The following HMBOX1 variants were observed in gnomAD, a reference collection of about 807,000 sequenced individuals.
HMBOX1 encodes homeobox-containing protein 1.
HMBOX1 carries 14 observed loss-of-function variants against 54.5 expected under a neutral mutation model. That is an observed-to-expected ratio of 0.26 (90% CI 0.17 to 0.40). HMBOX1 has a LOEUF of 0.40. Ranked by LOEUF, HMBOX1 falls within the 10% of genes least tolerant of loss-of-function variation. The pLI is 1.00. For missense variants in HMBOX1, 332 were observed against 514.4 expected, an observed-to-expected ratio of 0.65 and a Z score of 3.43; for synonymous variants, 160 against 181.0, an observed-to-expected ratio of 0.88 and a Z score of 0.93.
intron 6 of HMBOX1, chr8:29,042,790 G>C (rs1563637792): frequency 2.3e-6 from 1 of 441,096 alleles, no homozygotes; most frequent in East Asian, 7.0e-5. Context: ...CGCATGCCAT[G>C]GAGTTCAGGC....
intron 4 of HMBOX1, among the ~76,000 whole-genome samples, chr8:28,994,579 C>A (rs1449379628): frequency 6.6e-6 from 1 of 152,006 alleles, no homozygotes; most frequent in Non-Finnish European, 1.5e-5. Context: ...AAAGGCTTTC[C>A]TAAGCAATAC....
chr8:28,998,732 T>A (rs991869119), intron 4 of HMBOX1, among the ~76,000 whole-genome samples: 1 of 152,086 alleles, frequency 6.6e-6, no homozygotes, highest in Non-Finnish European at 1.5e-5. Flanking sequence ...TTACTTTCTC[T>A]TTTGTGTTAA....
rs553369292 is a variant in HMBOX1 at position 29,033,990 on chromosome 8, C to T, written c.852-11371C>T. Among the ~76,000 whole-genome samples the T allele has an allele frequency of 6.1e-4, 93 of 152,282 alleles. 2 individuals are homozygous for T. Among genetic ancestry groups the T allele is most frequent in the African/African-American group, 2.2e-3 (90 of 41,552 alleles). On this transcript the variant is annotated intron_variant, in intron 6 of 9. Transcript: ENST00000287701. ...ATATTTATTGAGCTTCTACTTTGTACCAATCATTGTAATAGATAACTGAGC... is the reference window on the plus strand; with the variant it reads ...ATATTTATTGAGCTTCTACTTTGTATCAATCATTGTAATAGATAACTGAGC...
chr8:28,963,255 A>G (rs1445822971), intron 1 of HMBOX1, among the ~76,000 whole-genome samples: 2 of 152,212 alleles, frequency 1.3e-5, no homozygotes, highest in African/African-American at 4.8e-5. Context: ...AAGTGCTGGG[A>G]TTACAGGCAT....
chr8:28,979,951 C>G, intron 3 of HMBOX1, 120 bp from the exon 4 acceptor site: 1 of 735,710 alleles, frequency 1.4e-6, no homozygotes, highest in Non-Finnish European at 2.5e-6. Flanking sequence ...GGTCTGTTTA[C>G]CCTTTATTTT....
At chr8:28,946,033 A>G (rs1347864233) in intron 1 of HMBOX1, among the ~76,000 whole-genome samples, 1 of 150,140 alleles carries the variant, frequency 6.7e-6, no homozygotes, top group Admixed American at 6.6e-5. Context: ...GCTCACTGCA[A>G]CCTCCGCCTC....
chr8:29,002,367 G>A (rs1193616029), intron 4 of HMBOX1, among the ~76,000 whole-genome samples: 1 of 152,130 alleles, frequency 6.6e-6, no homozygotes, highest in East Asian at 1.9e-4. Context: ...TGTCTTTTAT[G>A]ACCTAGCTTC....
chr8:28,966,334 G>T (rs973474185), intron 2 of HMBOX1, among the ~76,000 whole-genome samples: 4 of 152,106 alleles, frequency 2.6e-5, no homozygotes, highest in Non-Finnish European at 5.9e-5. Context: ...GTTCTTTTAT[G>T]CCTTAAACAC....
intron 6 of HMBOX1, 64 bp from the exon 7 acceptor site, chr8:29,045,297 A>T: frequency 8.4e-7 from 1 of 1,195,736 alleles, no homozygotes; most frequent in Non-Finnish European, 1.2e-6. Context: ...TCAGTGAGTT[A>T]GTGTTTTAAT....
intron 1 of HMBOX1, among the ~76,000 whole-genome samples, chr8:28,899,820 G>C (rs1386818418): frequency 6.6e-6 from 1 of 152,212 alleles, no homozygotes; most frequent in African/African-American, 2.4e-5. Flanking sequence ...AAGGAACCTA[G>C]AAGATTGGAG....
chr8:28,976,776 G>A (rs972291793), intron 3 of HMBOX1, among the ~76,000 whole-genome samples: 3 of 145,642 alleles, frequency 2.1e-5, no homozygotes, highest in Admixed American at 7.0e-5. Context: ...GCACGTTTTC[G>A]GCTCACTGCA....
At chr8:28,983,020 C>T (rs1829644359) in intron 4 of HMBOX1, among the ~76,000 whole-genome samples, 1 of 152,204 alleles carries the variant, frequency 6.6e-6, no homozygotes, top group Non-Finnish European at 1.5e-5. Context: ...ACCCGGCTAT[C>T]ATCTCCTGTT....
At chr8:28,937,192 T>C (rs1036025009) in intron 1 of HMBOX1, among the ~76,000 whole-genome samples, 4 of 152,248 alleles carry the variant, frequency 2.6e-5, no homozygotes, top group Non-Finnish European at 4.4e-5. Flanking sequence ...TCAGCATTTC[T>C]GTACAGATGT....
intron 5 of HMBOX1, chr8:29,009,724 T>G: frequency 2.3e-6 from 3 of 1,287,452 alleles, no homozygotes; most frequent in Non-Finnish European, 3.0e-6. Context: ...AGCAGTAGAT[T>G]GGGAAAGCAG....
At chr8:28,966,249 T>C (rs1166500735) in intron 2 of HMBOX1, among the ~76,000 whole-genome samples, 1 of 152,240 alleles carries the variant, frequency 6.6e-6, no homozygotes, top group Admixed American at 6.5e-5. Context: ...TGAAAAGTTA[T>C]TATTATGGTC....
chr8:28,991,540 C>T (rs114592366), intron 4 of HMBOX1, among the ~76,000 whole-genome samples: 1 of 152,266 alleles, frequency 6.6e-6, no homozygotes, highest in African/African-American at 2.4e-5. Context: ...AAGTACGAGG[C>T]CAATATGATA....
At chr8:28,983,228 C>G (rs1419431709) in intron 4 of HMBOX1, among the ~76,000 whole-genome samples, 2 of 152,180 alleles carry the variant, frequency 1.3e-5, no homozygotes, top group African/African-American at 2.4e-5. Flanking sequence ...GATCAGATAT[C>G]TTCTGATGAT....
chr8:29,025,815 C>T (rs1801928354), intron 6 of HMBOX1, among the ~76,000 whole-genome samples: 1 of 152,156 alleles, frequency 6.6e-6, no homozygotes. Context: ...ATTTTAAATT[C>T]ATGACCGCTA....
At chr8:28,925,210 G>A (rs188777729) in intron 1 of HMBOX1, among the ~76,000 whole-genome samples, 13 of 152,136 alleles carry the variant, frequency 8.5e-5, no homozygotes, top group African/African-American at 2.4e-4. Context: ...GAACACAGGC[G>A]TACACATTTT....
Sources: allele counts gnomAD v4.1 joint callset (sites outside exome capture counted in the v4.1 genomes callset), GRCh38; gene constraint gnomAD v4.1.1; transcripts MANE v1.5; gene names NCBI Gene and HGNC (gene_info 2026-07-23, HGNC 2026-07-21).